ATP2A2: variants seen among roughly 807,000 people sequenced by gnomAD.
ATP2A2 encodes the protein ATPase sarcoplasmic/endoplasmic reticulum Ca2+ transporting 2.
Under a neutral mutation model 109.3 loss-of-function variants are expected in ATP2A2, and 14 were observed. That is an observed-to-expected ratio of 0.13 (90% CI 0.08 to 0.20). The LOEUF (loss-of-function observed/expected upper bound fraction) is 0.20, where lower values mean the gene tolerates loss of function less well. Among genes scored for constraint, ATP2A2 ranks in the 10% least tolerant of loss-of-function variants. ATP2A2 has a pLI of 1.00. For missense variants in ATP2A2, 657 were observed against 1,321.6 expected, an observed-to-expected ratio of 0.50 and a Z score of 7.80; for synonymous variants, 506 against 490.9, an observed-to-expected ratio of 1.03 and a Z score of -0.41.
chr12:110,295,204 C>G (rs1873837453), intron 4 of ATP2A2, among the ~76,000 whole-genome samples: 1 of 152,094 alleles, frequency 6.6e-6, no homozygotes, highest in South Asian at 2.1e-4. Context: ...TCACTCTTGC[C>G]CAGGCTGGAG....
intron 4 of ATP2A2, among the ~76,000 whole-genome samples, chr12:110,294,588 G>C (rs565294904): frequency 4.6e-5 from 7 of 152,148 alleles, no homozygotes; most frequent in African/African-American, 1.7e-4. Context: ...GGCGGAGTTT[G>C]CAGTGAGCCG....
chr12:110,296,508 A>G (rs997853926), intron 4 of ATP2A2, 91 bp from the exon 5 acceptor site: 20 of 1,541,060 alleles, frequency 1.3e-5, no homozygotes, highest in Non-Finnish European at 1.7e-5. Context: ...TTTCTTTTTA[A>G]AGATTAGACC....
At chr12:110,297,590 G>C (rs751251320) in intron 5 of ATP2A2, among the ~76,000 whole-genome samples, 2 of 151,944 alleles carry the variant, frequency 1.3e-5, no homozygotes, top group African/African-American at 4.8e-5. Context: ...TATCCTCACT[G>C]CTGTAGATTA....
intron 5 of ATP2A2, among the ~76,000 whole-genome samples, chr12:110,322,100 C>T (rs1449865209): frequency 2.6e-5 from 4 of 152,236 alleles, no homozygotes; most frequent in Middle Eastern, 6.8e-3. Context: ...ACGCCATTCT[C>T]CTGCCTCAGC....
At chr12:110,293,520 G>C (rs1468007479) in intron 4 of ATP2A2, among the ~76,000 whole-genome samples, 1 of 151,214 alleles carries the variant, frequency 6.6e-6, no homozygotes. Context: ...TCACCCTCCC[G>C]GGTAGCTGGG....
At chr12:110,286,828 T>C (rs896219668) in intron 3 of ATP2A2, among the ~76,000 whole-genome samples, 1 of 152,234 alleles carries the variant, frequency 6.6e-6, no homozygotes, top group Non-Finnish European at 1.5e-5. Flanking sequence ...TAAGCACTTT[T>C]TTCTTTCGTT....
chr12:110,330,690 T>C lies in ATP2A2; in HGVS notation c.1096-1907T>C, dbSNP rs535953492. On this transcript the variant is annotated intron_variant, in intron 8 of 19. Transcript: ENST00000539276. ...TGGCTTGGCTTAAAATGTTTTCTTA[T>C]AATAAAGAAAAAGCCTGCCTGTTCT... 4 of 152,328 alleles carry C rather than the reference T, an allele frequency of 2.6e-5. No homozygotes were observed. The South Asian group carries it at 8.3e-4, about 32-fold the overall frequency. 9.4% of individuals were successfully genotyped at this position (152,328 alleles called of 1,614,324 possible).
intron 4 of ATP2A2, among the ~76,000 whole-genome samples, chr12:110,295,457 G>A (rs1873868036): frequency 6.6e-6 from 1 of 152,178 alleles, no homozygotes; most frequent in South Asian, 2.1e-4. Context: ...GAGCTACTGT[G>A]CTCAGCTGAT....
chr12:110,303,103 A>G (rs1874858155), intron 5 of ATP2A2, among the ~76,000 whole-genome samples: 1 of 152,220 alleles, frequency 6.6e-6, no homozygotes, highest in African/African-American at 2.4e-5. Context: ...GACTGTTGTA[A>G]CGTTATCGTA....
In ATP2A2 at chr12:110,346,115, G is replaced by T. The variant is rs760981138; in HGVS notation, c.2856G>T (p.Leu952Phe). 12 of 1,614,160 alleles carry T rather than the reference G, an allele frequency of 7.4e-6. No homozygotes were observed. Among genetic ancestry groups the T allele is most frequent in the Non-Finnish European group, 1.0e-5 (12 of 1,180,030 alleles). ...LHFLILYVEPLPLIFQITPLN... is the reference protein window; with the variant it reads ...LHFLILYVEPFPLIFQITPLN... ...TCCTGATCCTCTATGTCGAACCCTTGCCAGTAAGTGGTTGGGTGGGGCTTG... is the reference window on the plus strand; with the variant it reads ...TCCTGATCCTCTATGTCGAACCCTTTCCAGTAAGTGGTTGGGTGGGGCTTG... Residue 952 changes from leucine to phenylalanine, a missense_variant, in exon 19 of 20, where the codon TTG becomes TTT. By Grantham distance (22) the Leu-to-Phe change is conservative. Transcript: ENST00000539276.
chr12:110,312,340 G>A (rs1592826090), intron 5 of ATP2A2, among the ~76,000 whole-genome samples: 1 of 152,112 alleles, frequency 6.6e-6, no homozygotes, highest in East Asian at 1.9e-4. Flanking sequence ...TGATTATTCT[G>A]CATTTCTAAT....
rs397797328 is a variant in ATP2A2, at chr12:110,327,260, T to TA, written c.631-293_631-292insA. 7.9e-5 allele frequency among the ~76,000 whole-genome samples: 12 copies of TA among 152,006 alleles called. No homozygotes were observed. The highest frequency in any genetic ancestry group is 1.6e-4 in the Non-Finnish European group (11 of 68,018). ...GGAGAATGCTTAGAGTTGAACTATA[T>TA]GAGTTTGAAAAATTGGGAACACAGA... On this transcript the variant is annotated intron_variant, in intron 7 of 19. Transcript: ENST00000539276. The surrounding 1 kb of genome is among the most constrained non-coding windows in gnomAD (Gnocchi z 4.4).
chr12:110,342,799 C>G lies in ATP2A2; in HGVS notation c.2318+351C>G. On this transcript the variant is annotated intron_variant, in intron 15 of 19. Coordinates refer to ENST00000539276, the MANE Select transcript of ATP2A2 (RefSeq NM_170665.4). This position sits in a 1 kb window ranked among gnomAD's most constrained non-coding sequence, Gnocchi z 4.6. ...TTTTTGAGACAGTCTCGCTGTCGCC[C>G]AGGCTTCGGGCAGTGGCACGATCTC... 6.6e-6 allele frequency among the ~76,000 whole-genome samples: 1 copy of G among 152,178 alleles called. No homozygotes were observed. The highest frequency in any genetic ancestry group is 1.5e-5 in the Non-Finnish European group (1 of 68,028).
In ATP2A2 at chr12:110,342,527, T is replaced by G; in HGVS notation, c.2318+79T>G. On this transcript the variant is annotated intron_variant, in intron 15 of 19. Coordinates refer to ENST00000539276, the MANE Select transcript of ATP2A2 (RefSeq NM_170665.4). This position sits in a 1 kb window ranked among gnomAD's most constrained non-coding sequence, Gnocchi z 4.6. ...GGAGCCCAGTTCTCGCAGTTTGCTC[T>G]CCAGATTGCAGCAGCTTTGGTCTTT... 6.7e-7 allele frequency: 1 copy of G among 1,487,664 alleles called. No individual in the cohort carries two copies. The highest frequency in any genetic ancestry group is 9.2e-7 in the Non-Finnish European group (1 of 1,081,562). 92.2% of individuals were successfully genotyped at this position (1,487,664 alleles called of 1,614,324 possible).
chr12:110,289,200 G>A (rs1592791853), intron 3 of ATP2A2, among the ~76,000 whole-genome samples: 1 of 152,180 alleles, frequency 6.6e-6, no homozygotes, highest in Non-Finnish European at 1.5e-5. Flanking sequence ...AAGGTGTGAA[G>A]CTTATCTTAC....
upstream of ATP2A2, chr12:110,280,884 C>G (rs1389490774): frequency 2.6e-5 from 4 of 152,466 alleles, no homozygotes; most frequent in African/African-American, 9.6e-5. Context: ...GCTCCCAGCT[C>G]CTCGGCCTCG....
chr12:110,348,100 G>T lies in ATP2A2; in HGVS notation c.*1630G>T. On this transcript the variant is annotated 3_prime_UTR_variant, in exon 20 of 20. Transcript: ENST00000539276. Reference sequence around the variant, plus strand: ...TCAGCCAGACCAACAGGCTGAAGGAGCTGTGCAGACTATTGCTAAAATGAG... The same window carrying T: ...TCAGCCAGACCAACAGGCTGAAGGATCTGTGCAGACTATTGCTAAAATGAG... The T allele has an allele frequency of 1.0e-6, 1 of 986,348 alleles. No individual in the cohort carries two copies. The highest frequency in any genetic ancestry group is 1.2e-6 in the Non-Finnish European group (1 of 830,576). 61.1% of individuals were successfully genotyped at this position (986,348 alleles called of 1,614,324 possible).
intron 10 of ATP2A2, among the ~76,000 whole-genome samples, chr12:110,333,553 C>T (rs542129992): frequency 6.6e-6 from 1 of 152,286 alleles, no homozygotes; most frequent in South Asian, 2.1e-4. Context: ...AGCATACTTA[C>T]TATAAATGAA....
At chr12:110,326,329 G>A (rs951620496) in intron 6 of ATP2A2, 61 bp from the exon 7 acceptor site, 5 of 1,459,716 alleles carry the variant, frequency 3.4e-6, no homozygotes, top group Middle Eastern at 1.7e-4. Context: ...ATGAATGAGA[G>A]GTTCTAGGTT....
Sources: gnomAD v4.1 joint callset for allele counts (sites outside exome capture counted in the v4.1 genomes callset) on GRCh38, gnomAD v4.1.1 for gene constraint, Gnocchi (gnomAD v3.1) non-coding constraint, MANE v1.5 for transcripts, NCBI Gene and HGNC (gene_info 2026-07-23, HGNC 2026-07-21) for gene names.